Variants in MAP2 observed in about 807,000 individuals in gnomAD.
The protein encoded by MAP2 is microtubule associated protein 2.
Under a neutral mutation model 137.6 loss-of-function variants are expected in MAP2, and 14 were observed. The ratio of observed to expected loss-of-function variants is 0.10; its 90% CI spans 0.07 to 0.16. The LOEUF (loss-of-function observed/expected upper bound fraction) is 0.16. MAP2 is among the 10% of genes least tolerant of loss of function. The pLI, the probability that MAP2 is intolerant of heterozygous loss-of-function variation, is 1.00. For synonymous variants in MAP2, 786 were observed against 782.3 expected, an observed-to-expected ratio of 1.00 and a Z score of -0.08; for missense variants, 2,088 against 2,191.5, an observed-to-expected ratio of 0.95 and a Z score of 0.94.
intron 10 of MAP2, 25 bp from the exon 11 acceptor site, chr2:209,700,252 G>A (rs1583897028): frequency 6.2e-7 from 1 of 1,607,014 alleles, no homozygotes; most frequent in Non-Finnish European, 8.5e-7. Flanking sequence ...TAAGTTTGGG[G>A]TTGTTTGTCT....
intron 4 of MAP2, among the ~76,000 whole-genome samples, chr2:209,651,338 TC>T (rs1344176654): frequency 1.3e-5 from 2 of 152,162 alleles, no homozygotes; most frequent in African/African-American, 4.8e-5. Context: ...CTACACAATA[TC>T]TGGGGACGGA....
intron 1 of MAP2, among the ~76,000 whole-genome samples, chr2:209,485,392 T>C (rs1388275571): frequency 6.6e-6 from 1 of 152,182 alleles, no homozygotes; most frequent in African/African-American, 2.4e-5. Flanking sequence ...TTTTTTTTTA[T>C]TGTGTCAGAA....
chr2:209,634,398 C>T (rs879531432), intron 4 of MAP2, among the ~76,000 whole-genome samples: 4 of 152,082 alleles, frequency 2.6e-5, no homozygotes, highest in Non-Finnish European at 4.4e-5. Flanking sequence ...CCAGTTGAAA[C>T]GTTGTTTGTC....
At chr2:209,645,289 C>T (rs2094343436) in intron 4 of MAP2, among the ~76,000 whole-genome samples, 1 of 152,148 alleles carries the variant, frequency 6.6e-6, no homozygotes, top group Non-Finnish European at 1.5e-5. Context: ...TTAATTTGTA[C>T]ATACAGTTTT....
chr2:209,546,128 G>A (rs1008565881), intron 2 of MAP2, among the ~76,000 whole-genome samples: 17 of 152,032 alleles, frequency 1.1e-4, no homozygotes, highest in African/African-American at 2.7e-4. Flanking sequence ...GGGCAACAGC[G>A]TGAGACTCCG....
intron 4 of MAP2, among the ~76,000 whole-genome samples, chr2:209,633,087 T>A (rs2093245153): frequency 6.6e-6 from 1 of 152,178 alleles, no homozygotes; most frequent in Non-Finnish European, 1.5e-5. Context: ...CTCGATTGCC[T>A]TTTCTTCATT....
chr2:209,492,554 C>CA (rs2059248806), intron 1 of MAP2, among the ~76,000 whole-genome samples: 1 of 152,128 alleles, frequency 6.6e-6, no homozygotes, highest in Admixed American at 6.5e-5. Context: ...TCGTCAGGCC[C>CA]AAAATCTCCT....
intron 1 of MAP2, among the ~76,000 whole-genome samples, chr2:209,498,478 T>C (rs191669779): frequency 1.9e-3 from 295 of 152,318 alleles, no homozygotes; most frequent in Admixed American, 3.1e-3. Context: ...AATGCCCCAG[T>C]GGAGACCAGA....
chr2:209,425,185 ACTT>A (rs1163378181), intron 1 of MAP2, among the ~76,000 whole-genome samples: 1 of 152,124 alleles, frequency 6.6e-6, no homozygotes, highest in Non-Finnish European at 1.5e-5. Context: ...TGGCATCCGG[ACTT>A]CAGGATTTTT....
chr2:209,512,922 C>T (rs558233450), intron 2 of MAP2, among the ~76,000 whole-genome samples: 1 of 152,250 alleles, frequency 6.6e-6, no homozygotes, highest in East Asian at 1.9e-4. Context: ...GATGAGATTA[C>T]AGGCATGAGA....
intron 14 of MAP2, among the ~76,000 whole-genome samples, chr2:209,728,513 A>G (rs2074921964): frequency 6.6e-6 from 1 of 152,252 alleles, no homozygotes; most frequent in Non-Finnish European, 1.5e-5. Flanking sequence ...ATGTTTCTCC[A>G]AAATGTAATC....
In MAP2 at chr2:209,714,812, A is replaced by G. The variant is rs991450762; in HGVS notation, c.5073+4558A>G. ...ATAGGACATTAAATATCATCCTTCC[A>G]TGGCTGAGCTGTGAAGTCAGAGTCT... is the stretch of plus-strand genomic sequence containing the variant. On this transcript the variant is annotated intron_variant, in intron 13 of 15. Transcript: ENST00000682079. 7.8e-4 allele frequency among the ~76,000 whole-genome samples: 118 copies of G among 152,212 alleles called. 1 individual carries two copies. The highest frequency in any genetic ancestry group is 2.5e-4 in the Non-Finnish European group (17 of 68,032).
At chr2:209,593,470 AGAG>A (rs1255875295) in intron 3 of MAP2, among the ~76,000 whole-genome samples, 1 of 148,580 alleles carries the variant, frequency 6.7e-6, no homozygotes, top group Non-Finnish European at 1.5e-5. Flanking sequence ...GTTCTAGGTA[AGAG>A]GGCAGAATCT....
chr2:209,676,589 T>C (rs576569964), intron 5 of MAP2, among the ~76,000 whole-genome samples: 2 of 151,374 alleles, frequency 1.3e-5, no homozygotes, highest in South Asian at 4.2e-4. Context: ...GGAAACCTTA[T>C]ATAGTGTGGG....
At chr2:209,706,834 C>T (rs1272734039) in intron 12 of MAP2, among the ~76,000 whole-genome samples, 1 of 152,040 alleles carries the variant, frequency 6.6e-6, no homozygotes, top group African/African-American at 2.4e-5. Flanking sequence ...GTGTTTTTGC[C>T]TACAAGAAAA....
intron 3 of MAP2, among the ~76,000 whole-genome samples, chr2:209,596,110 A>G (rs1419465489): frequency 6.6e-6 from 1 of 152,100 alleles, no homozygotes; most frequent in Non-Finnish European, 1.5e-5. Flanking sequence ...ATAATTTTAA[A>G]AAGAGAAAGA....
intron 1 of MAP2, among the ~76,000 whole-genome samples, chr2:209,451,715 A>C (rs1231387042): frequency 6.6e-6 from 1 of 152,218 alleles, no homozygotes; most frequent in African/African-American, 2.4e-5. Context: ...ACATTCAGCA[A>C]ACTTGCTGCT....
intron 12 of MAP2, among the ~76,000 whole-genome samples, chr2:209,709,432 C>T (rs16843555): frequency 0.072 from 10,962 of 152,180 alleles, 752 homozygotes; most frequent in African/African-American, 0.18. Context: ...CAGGCCAAAA[C>T]TATGTGTCCT....
At chr2:209,453,958 T>C (rs1410603899) in intron 1 of MAP2, among the ~76,000 whole-genome samples, 2 of 151,982 alleles carry the variant, frequency 1.3e-5, no homozygotes, top group Admixed American at 6.5e-5. Context: ...AAGACCAACC[T>C]GGCTAACACA....
Sources: gnomAD v4.1 joint callset for allele counts (sites outside exome capture counted in the v4.1 genomes callset) on GRCh38, gnomAD v4.1.1 for gene constraint, MANE v1.5 for transcripts, NCBI Gene and HGNC (gene_info 2026-07-23, HGNC 2026-07-21) for gene names.